CHD6: variants seen among roughly 807,000 people sequenced by gnomAD.
The protein encoded by CHD6 is chromodomain helicase DNA binding protein 6.
A neutral mutation model predicts 276.9 loss-of-function variants in CHD6; 50 were observed. That is an observed-to-expected ratio of 0.18 (90% CI 0.14 to 0.23). The LOEUF is 0.23. CHD6 is among the 10% of genes least tolerant of loss of function. The pLI is 1.00. For missense variants in CHD6, 2,564 were observed against 3,365.8 expected (o/e 0.76, Z 5.89); for synonymous variants, 1,173 against 1,229.3 (o/e 0.95, Z 0.96).
rs537770162 is a variant in CHD6, at chr20:41,417,891, A to G, written c.6128-542T>C. Among the ~76,000 whole-genome samples the G allele has an allele frequency of 3.0e-4, 45 of 152,366 alleles. 1 individual carries two copies. Among genetic ancestry groups the G allele is most frequent in the Admixed American group, 5.2e-4 (8 of 15,304 alleles). On this transcript the variant is annotated intron_variant, in intron 31 of 36. Coordinates refer to ENST00000373233, the MANE Select transcript of CHD6 (RefSeq NM_032221.5). ...ACTTCACTCATGGAAAGAAATGGAC[A>G]TGTAACTTATTCTTTCAAGCTTCAG...
At chr20:41,544,069 G>A (rs1228893380) in intron 2 of CHD6, among the ~76,000 whole-genome samples, 2 of 152,046 alleles carry the variant, frequency 1.3e-5, no homozygotes, top group African/African-American at 4.8e-5. Flanking sequence ...GTGAAACCCT[G>A]TCTCTACTAA....
intron 1 of CHD6, among the ~76,000 whole-genome samples, chr20:41,562,839 G>A (rs1223557057): frequency 8.6e-6 from 1 of 116,046 alleles, no homozygotes; most frequent in African/African-American, 2.8e-5. Flanking sequence ...CTTATCAATA[G>A]TGGGTCAAAA....
chr20:41,609,527 T>C (rs1407051891), intron 1 of CHD6, among the ~76,000 whole-genome samples: 3 of 152,214 alleles, frequency 2.0e-5, no homozygotes, highest in Non-Finnish European at 4.4e-5. Flanking sequence ...AAGGAGAGAC[T>C]ATATAGCATT....
chr20:41,513,719 C>T (rs1377117895), intron 4 of CHD6, among the ~76,000 whole-genome samples: 1 of 152,170 alleles, frequency 6.6e-6, no homozygotes, highest in Non-Finnish European at 1.5e-5. Flanking sequence ...AGTAGAATCA[C>T]TTCAGGGAAC....
At chr20:41,516,016 T>A (rs894580541) in intron 3 of CHD6, among the ~76,000 whole-genome samples, 3 of 152,224 alleles carry the variant, frequency 2.0e-5, no homozygotes, top group African/African-American at 7.2e-5. Flanking sequence ...TATGTGCACA[T>A]ATAAAAACAT....
intron 1 of CHD6, among the ~76,000 whole-genome samples, chr20:41,582,628 A>G (rs889137457): frequency 1.3e-5 from 2 of 152,230 alleles, no homozygotes; most frequent in Non-Finnish European, 2.9e-5. Context: ...GGAAGAACCC[A>G]TATCAAAAGA....
chr20:41,492,102 A>C lies in CHD6; in HGVS notation c.1315-283T>G, dbSNP rs6129849. Among the ~76,000 whole-genome samples the C allele has an allele frequency of 0.014, 2,143 of 152,176 alleles. 224 individuals are homozygous for C. In the East Asian group the frequency reaches 0.28, roughly 20 times the overall value. On this transcript the variant is annotated intron_variant, in intron 10 of 36. Coordinates refer to ENST00000373233, the MANE Select transcript of CHD6 (RefSeq NM_032221.5). ...GTCACTGCATTACACCACACACCAC[A>C]ATTAGCCTGGTGCTGTATTTATTTA... is the stretch of plus-strand genomic sequence containing the variant.
At chr20:41,544,777 A>G (rs1486092382) in intron 2 of CHD6, among the ~76,000 whole-genome samples, 1 of 151,118 alleles carries the variant, frequency 6.6e-6, no homozygotes, top group African/African-American at 2.4e-5. Flanking sequence ...TATAATAATC[A>G]TATTACTGTG....
Position 41,402,184 on chromosome 20 carries a change from G to C in CHD6, c.*2409C>G, listed in dbSNP as rs1271082081. On this transcript the variant is annotated 3_prime_UTR_variant, in exon 37 of 37. Coordinates refer to ENST00000373233, the MANE Select transcript of CHD6 (RefSeq NM_032221.5). ...AATGGTCAAGGAAAGTTATGGCCGTGAGTGACATGGAATTAGATGAAAAGG... is the reference window on the plus strand; with the variant it reads ...AATGGTCAAGGAAAGTTATGGCCGTCAGTGACATGGAATTAGATGAAAAGG... The C allele has an allele frequency of 4.7e-6, 1 of 213,474 alleles. No individual in the cohort carries two copies. The highest frequency in any genetic ancestry group is 9.5e-6 in the Non-Finnish European group (1 of 105,670). The allele number at this position is 213,474 out of a possible 1,614,324, so 13.2% of individuals were successfully genotyped here.
intron 5 of CHD6, among the ~76,000 whole-genome samples, 180 bp from the exon 6 acceptor site, chr20:41,499,537 T>C (rs1325992959): frequency 1.3e-5 from 2 of 152,170 alleles, no homozygotes; most frequent in Admixed American, 6.5e-5. Context: ...AGCTAGAATT[T>C]AAAGTGGTGG....
chr20:41,490,462 TA>T (rs2043523457), intron 11 of CHD6, among the ~76,000 whole-genome samples: 1 of 152,192 alleles, frequency 6.6e-6, no homozygotes, highest in East Asian at 1.9e-4. Flanking sequence ...TTTGTGTATC[TA>T]AACATGTCTA....
chr20:41,606,674 C>CA (rs10631069), intron 1 of CHD6, among the ~76,000 whole-genome samples: 4,674 of 132,570 alleles, frequency 0.035, 102 homozygotes, highest in Non-Finnish European at 0.046. Context: ...GACTCCATCT[C>CA]AAAAAAAAAA....
intron 8 of CHD6, among the ~76,000 whole-genome samples, chr20:41,496,518 A>AT (rs1364894917): frequency 6.6e-6 from 1 of 152,216 alleles, no homozygotes; most frequent in African/African-American, 2.4e-5. Context: ...GCTGGAAATA[A>AT]TGGATACAAA....
intron 20 of CHD6, 31 bp downstream of exon 20, chr20:41,454,595 T>C: frequency 6.6e-7 from 1 of 1,507,240 alleles, no homozygotes; most frequent in Non-Finnish European, 9.2e-7. Context: ...TAAGTGAATG[T>C]TCCATGGAAT....
In CHD6 at chr20:41,421,169, C is replaced by T. The variant is rs760435904; in HGVS notation, c.5466G>A (p.Gly1822=). The part of the protein sequence containing the change: ...SPSLNPGNES[G]FVDMCSLSVC... ...CACTAAGACTGCACATATCTACAAACCCACTTTCATTTCCTGGATTCAAGG... is the reference window on the plus strand; with the variant it reads ...CACTAAGACTGCACATATCTACAAATCCACTTTCATTTCCTGGATTCAAGG... Residue 1822 remains glycine (G), a synonymous_variant, in exon 31 of 37, where the codon GGG becomes GGA. Transcript: ENST00000373233. 3 of 1,613,382 alleles carry T rather than the reference C, an allele frequency of 1.9e-6. No individual in the cohort carries two copies. The highest frequency in any genetic ancestry group is 2.5e-6 in the Non-Finnish European group (3 of 1,179,708).
In CHD6 at chr20:41,404,919, C is replaced by T. The variant is rs777668344; in HGVS notation, c.7822G>A (p.Ala2608Thr). The T allele has an allele frequency of 6.2e-7, 1 of 1,614,138 alleles. No homozygotes were observed. The highest frequency in any genetic ancestry group is 8.5e-7 in the Non-Finnish European group (1 of 1,180,022). The change falls in exon 37 of 37, where the codon GCT becomes ACT. Residue 2608 changes from alanine (A) to threonine (T), a missense_variant. By Grantham distance (58) the Ala-to-Thr change is moderately conservative. This residue lies in a region of CHD6 where 238 missense variants were observed against 266.0 expected (regional missense o/e 0.89). Coordinates refer to ENST00000373233, the MANE Select transcript of CHD6 (RefSeq NM_032221.5). ...EPAITTSSPV[A>T]FNPFLIPGVS... Reference sequence around the variant, plus strand: ...CCTGGGATGAGAAATGGGTTAAAAGCCACAGGACTACTAGTAGTTATTGCA... The same window carrying T: ...CCTGGGATGAGAAATGGGTTAAAAGTCACAGGACTACTAGTAGTTATTGCA...
At chr20:41,535,510 G>A (rs1368478141) in intron 2 of CHD6, among the ~76,000 whole-genome samples, 1 of 152,140 alleles carries the variant, frequency 6.6e-6, no homozygotes, top group African/African-American at 2.4e-5. Flanking sequence ...ATGACCTCCT[G>A]GGGAACTACA....
intron 7 of CHD6, 72 bp downstream of exon 7, chr20:41,498,096 A>C (rs759935869): frequency 5.8e-6 from 6 of 1,043,224 alleles, no homozygotes; most frequent in African/African-American, 1.6e-5. Context: ...GTAGAAGATA[A>C]TAAAGTCACA....
intron 35 of CHD6, among the ~76,000 whole-genome samples, chr20:41,412,513 A>G (rs1469652577): frequency 1.3e-5 from 2 of 152,162 alleles, no homozygotes; most frequent in Non-Finnish European, 2.9e-5. Flanking sequence ...AGAACACCTG[A>G]GCCGATTCAC....
Sources: allele counts gnomAD v4.1 joint callset (sites outside exome capture counted in the v4.1 genomes callset), GRCh38; gene constraint gnomAD v4.1.1; regional missense constraint gnomAD v4.1.1; transcripts MANE v1.5; gene names NCBI Gene and HGNC (gene_info 2026-07-23, HGNC 2026-07-21).